COL6A3: variants seen among roughly 807,000 people sequenced by gnomAD.
The protein encoded by COL6A3 is collagen alpha-3(VI) chain.
A neutral mutation model predicts 274.1 loss-of-function variants in COL6A3; 137 were observed. The ratio of observed to expected loss-of-function variants is 0.50; its 90% CI spans 0.44 to 0.58. The LOEUF is 0.58. Ranked by LOEUF, COL6A3 falls within the 20% of genes least tolerant of loss-of-function variation. The probability of loss-of-function intolerance (pLI) is 0.00; values close to 1 mark genes in which losing one functional copy is unlikely to be tolerated. For synonymous variants in COL6A3, 1,650 were observed against 1,650.6 expected (o/e 1.00, Z 0.01); for missense variants, 3,950 against 4,124.9 (o/e 0.96, Z 1.16).
In COL6A3 at chr2:237,371,204, G is replaced by T. The variant is rs2077677490; in HGVS notation, c.4285+528C>A. ...CACCCTCCTATGGAGATGCCCTCAT[G>T]CTTTGCCACGGTATGCATTCTCCCT... On this transcript the variant is annotated intron_variant, in intron 9 of 43. Transcript: ENST00000295550. This position sits in a 1 kb window ranked among gnomAD's most constrained non-coding sequence, Gnocchi z 4.3. 6.6e-6 allele frequency among the ~76,000 whole-genome samples: 1 copy of T among 152,168 alleles called. No homozygotes were observed. Among genetic ancestry groups the T allele is most frequent in the African/African-American group, 2.4e-5 (1 of 41,432 alleles).
At chr2:237,351,332 C>T in intron 26 of COL6A3, 140 bp from the exon 27 acceptor site, 1 of 766,922 alleles carries the variant, frequency 1.3e-6, no homozygotes, top group South Asian at 1.4e-5. Context: ...ATCCCAAGCA[C>T]TCAGCTCTGA....
In COL6A3 at chr2:237,387,987, C is replaced by A. The variant is rs1162064854; in HGVS notation, c.907G>T (p.Ala303Ser). The A allele has an allele frequency of 1.9e-6, 3 of 1,614,214 alleles. No individual in the cohort carries two copies. The Admixed American group carries it at 5.0e-5, about 27-fold the overall frequency. The part of the protein sequence containing the change: ...MFSLDTYSTK[A>S]QVLGAVKALG... ...GCTTTCACTGCACCCAGAACCTGGG[C>A]CTTGGTGGAGTAGGTGTCCAAGGAG... The change falls in exon 4 of 44, where the codon GCC (alanine) becomes TCC (serine). Residue 303 changes from alanine (A) to serine (S), a missense_variant. Ala to Ser is a moderately conservative substitution (Grantham distance 99). Coordinates refer to ENST00000295550, the MANE Select transcript of COL6A3 (RefSeq NM_004369.4).
At chr2:237,390,347 T>C (rs2078256310) in intron 3 of COL6A3, among the ~76,000 whole-genome samples, 1 of 152,200 alleles carries the variant, frequency 6.6e-6, no homozygotes. Context: ...GTTGGATAAT[T>C]TGTCATCACT....
intron 20 of COL6A3, 50 bp downstream of exon 20, chr2:237,358,985 G>T: frequency 1.9e-6 from 3 of 1,587,756 alleles, no homozygotes; most frequent in South Asian, 1.1e-5. Flanking sequence ...TTCCCTAAAT[G>T]AAATGTTGAT....
rs78587076 is a variant in COL6A3, at chr2:237,398,295, C to T, written c.-30-1448G>A. Among the ~76,000 whole-genome samples the T allele has an allele frequency of 1.3e-3, 197 of 152,342 alleles. 3 individuals are homozygous for T. In the East Asian group the frequency reaches 0.035, roughly 27 times the overall value. ...CCTGATGCAGAGTCTCCCATACCCA[C>T]GCGCCTCTGGGGGCCGCACACATGA... On this transcript the variant is annotated intron_variant, in intron 1 of 43. Coordinates refer to ENST00000295550, the MANE Select transcript of COL6A3 (RefSeq NM_004369.4).
Position 237,336,347 on chromosome 2 carries a change from A to T in COL6A3, c.8753T>A (p.Val2918Glu). ...CTTTGTGGCCACAGGCTTGGCAGCC[A>T]CAGGTTTCGCAGGGGCCGGCTTTGC... is the stretch of plus-strand genomic sequence containing the variant. Reference protein sequence around the residue: ...AAAKPAPAKPVAAKPVATKMA... With the variant: ...AAAKPAPAKPEAAKPVATKMA... Residue 2918 changes from valine (V) to glutamate (E), a missense_variant, in exon 40 of 44, where the codon GTG becomes GAG. Val to Glu is a moderately radical substitution (Grantham distance 121). This residue lies in a region of COL6A3 where 1,284 missense variants were observed against 1,349.7 expected (regional missense o/e 0.95). Coordinates refer to ENST00000295550, the MANE Select transcript of COL6A3 (RefSeq NM_004369.4). The T allele has an allele frequency of 6.2e-7, 1 of 1,613,550 alleles. No homozygotes were observed. Among genetic ancestry groups the T allele is most frequent in the African/African-American group, 1.3e-5 (1 of 75,032 alleles).
rs573149435 is a variant in COL6A3 at position 237,324,452 on chromosome 2, G to T, written c.*322C>A. On this transcript the variant is annotated 3_prime_UTR_variant, in exon 44 of 44. Transcript: ENST00000295550. The stretch of plus-strand genomic sequence containing the variant: ...GCATTATTTTCTAGACTTTACATTT[G>T]CCTGCAACAGGCATAACATGAAACT... The T allele has an allele frequency of 3.8e-5, 12 of 319,662 alleles. No homozygotes were observed. In the South Asian group the frequency reaches 4.5e-4, roughly 12 times the overall value. The allele number at this position is 319,662 out of a possible 1,614,324, so 19.8% of individuals were successfully genotyped here.
rs537443400 is a variant in COL6A3 at position 237,378,638 on chromosome 2, G to A, written c.2495C>T (p.Pro832Leu). The A allele has an allele frequency of 1.1e-5, 17 of 1,612,498 alleles. No individual in the cohort carries two copies. The African/African-American group carries it at 2.1e-4, about 20-fold the overall frequency. ...TCCCGGCAACAGGGGAGGTTTACCT[G>A]GCTGAGCGAGTGGTACTTCCTCCAC... ...GGVEEVPLAQPESKRDILFLF... is the reference protein window; with the variant it reads ...GGVEEVPLAQLESKRDILFLF... The change falls in exon 6 of 44, where the codon CCA becomes CTA. Residue 832 changes from proline (P) to leucine (L), a missense_variant and splice_region_variant. Pro to Leu is a moderately conservative substitution (Grantham distance 98). Around this residue, in one of 5 missense-constraint regions of COL6A3, gnomAD observed 1,934 missense variants for 1,984.3 expected, o/e 0.97. Transcript: ENST00000295550.
Position 237,344,434 on chromosome 2 carries a change from C to G in COL6A3, c.7584G>C (p.Glu2528Asp). 1.9e-6 allele frequency: 3 copies of G among 1,614,198 alleles called. No individual in the cohort carries two copies. Among genetic ancestry groups the G allele is most frequent in the Non-Finnish European group, 2.5e-6 (3 of 1,180,020 alleles). Residue 2528 changes from glutamate (E) to aspartate (D), a missense_variant, in exon 36 of 44, where the codon GAG (glutamate) becomes GAC (aspartate). Glu to Asp is a conservative substitution (Grantham distance 45, BLOSUM62 2). Around this residue, in one of 5 missense-constraint regions of COL6A3, gnomAD observed 1,284 missense variants for 1,349.7 expected, o/e 0.95. Coordinates refer to ENST00000295550, the MANE Select transcript of COL6A3 (RefSeq NM_004369.4). This position sits in a 1 kb window ranked among gnomAD's most constrained non-coding sequence, Gnocchi z 4.8. Reference protein sequence around the residue: ...TPTRASPQLREAVLKLSDAGI... With the variant: ...TPTRASPQLRDAVLKLSDAGI... ...CCGCATCTGAGAGCTTGAGCACAGC[C>G]TCTCTGAGCTGTGGGGATGCTCTTG... is the stretch of plus-strand genomic sequence containing the variant.
chr2:237,366,902 A>C lies in COL6A3; in HGVS notation c.5285T>G (p.Val1762Gly). 2 of 1,614,198 alleles carry C rather than the reference A, an allele frequency of 1.2e-6. No homozygotes were observed. Among genetic ancestry groups the C allele is most frequent in the Non-Finnish European group, 1.7e-6 (2 of 1,180,034 alleles). ...CCCCCTCTGGGTGAGGGCCAGGCTC[A>C]CATCCTGTGCATCTTCCACCGACTT... Reference protein sequence around the residue: ...GGKSVEDAQDVSLALTQRGVK... With the variant: ...GGKSVEDAQDGSLALTQRGVK... The change falls in exon 11 of 44, where the codon GTG becomes GGG. Residue 1762 changes from valine to glycine, a missense_variant. By Grantham distance (109) the Val-to-Gly change is moderately radical (BLOSUM62 -3). This residue lies in a region of COL6A3 where 632 missense variants were observed against 623.4 expected (regional missense o/e 1.01). Transcript: ENST00000295550.
At position 237,361,744 on chromosome 2, in the gene COL6A3, G is replaced by A; in HGVS notation, c.6151C>T (p.Pro2051Ser). Residue 2051 changes from proline (P) to serine (S), a missense_variant, in exon 15 of 44, where the codon CCA (proline) becomes TCA (serine). Pro to Ser is a moderately conservative substitution (Grantham distance 74). Transcript: ENST00000295550. This position sits in a 1 kb window ranked among gnomAD's most constrained non-coding sequence, Gnocchi z 5.1. ...GDRGPIGSIG[P>S]KGIPGEDGYR... ...CAAGGGTAAAGCCACCGTACCTTTGGCCCGATGCTGCCGATGGGCCCGCGG... is the reference window on the plus strand; with the variant it reads ...CAAGGGTAAAGCCACCGTACCTTTGACCCGATGCTGCCGATGGGCCCGCGG... 6.2e-7 allele frequency: 1 copy of A among 1,614,102 alleles called. No individual in the cohort carries two copies. The highest frequency in any genetic ancestry group is 8.5e-7 in the Non-Finnish European group (1 of 1,179,956).
intron 1 of COL6A3, among the ~76,000 whole-genome samples, chr2:237,409,528 GT>G (rs200283913): frequency 3.2e-4 from 48 of 150,966 alleles, no homozygotes; most frequent in African/African-American, 1.1e-3. Context: ...TTAGGTTTTT[GT>G]TTTTTTTGTT....
At chr2:237,327,893 C>T (rs1309068331) in intron 42 of COL6A3, 2 of 152,144 alleles carry the variant, frequency 1.3e-5, no homozygotes, top group East Asian at 1.9e-4. Context: ...GGCTGGCCCT[C>T]GTTGAACTTA....
At chr2:237,384,486 C>T (rs2078094205) in intron 4 of COL6A3, among the ~76,000 whole-genome samples, 1 of 152,066 alleles carries the variant, frequency 6.6e-6, no homozygotes, top group South Asian at 2.1e-4. Flanking sequence ...CTGAAAGCCT[C>T]CATCAGGCCC....
chr2:237,383,220 G>C (rs75436323), intron 4 of COL6A3, among the ~76,000 whole-genome samples: 3 of 152,184 alleles, frequency 2.0e-5, no homozygotes, highest in African/African-American at 7.2e-5. Flanking sequence ...TCATCTGGGT[G>C]CTCACCTGTA....
In COL6A3 at chr2:237,371,714, C is replaced by T. The variant is rs1372185868; in HGVS notation, c.4285+18G>A. The T allele has an allele frequency of 6.4e-7, 1 of 1,572,606 alleles. No homozygotes were observed. The highest frequency in any genetic ancestry group is 8.6e-7 in the Non-Finnish European group (1 of 1,158,086). ...ATGGAAAATGCTCCAAGGAGAACCT[C>T]CGACGCCCCCATCTCACCTGGAGGT... On this transcript the variant is annotated intron_variant, in intron 9 of 43. Transcript: ENST00000295550. This position sits in a 1 kb window ranked among gnomAD's most constrained non-coding sequence, Gnocchi z 4.3.
At chr2:237,355,040 G>C in intron 23 of COL6A3, 106 bp from the exon 24 acceptor site, 1 of 1,076,872 alleles carries the variant, frequency 9.3e-7, no homozygotes, top group Non-Finnish European at 1.4e-6. Context: ...GTTACTCAGG[G>C]GAATCTTCCC....
At chr2:237,362,586 A>G (rs7598394) in intron 14 of COL6A3, among the ~76,000 whole-genome samples, 37,546 of 152,136 alleles carry the variant, frequency 0.25, 5,766 homozygotes, top group African/African-American at 0.44. Context: ...CCTGATTCTA[A>G]CCCTGCAAAG....
chr2:237,362,480 C>A (rs1250296365), intron 14 of COL6A3, among the ~76,000 whole-genome samples: 1 of 152,252 alleles, frequency 6.6e-6, no homozygotes. Context: ...ATGGTGGGCA[C>A]ATGCACTTTC....
Sources: allele counts gnomAD v4.1 joint callset (sites outside exome capture counted in the v4.1 genomes callset), GRCh38; gene constraint gnomAD v4.1.1; regional missense constraint gnomAD v4.1.1; non-coding constraint Gnocchi (gnomAD v3.1); transcripts MANE v1.5; gene names NCBI Gene and HGNC (gene_info 2026-07-23, HGNC 2026-07-21).